ANKRD36: variants seen among roughly 807,000 people sequenced by gnomAD.
The protein encoded by ANKRD36 is ankyrin repeat domain 36.
ANKRD36 carries 179 observed loss-of-function variants against 278.1 expected under a neutral mutation model. The ratio of observed to expected loss-of-function variants is 0.64; its 90% CI spans 0.57 to 0.73. The LOEUF (loss-of-function observed/expected upper bound fraction) is 0.73. ANKRD36 is among the 30% of genes least tolerant of loss of function. The pLI is 0.00. For missense variants in ANKRD36, 1,159 were observed against 1,956.7 expected (o/e 0.59, Z 7.69); for synonymous variants, 320 against 641.1 (o/e 0.50, Z 7.57).
At chr2:97,232,228 A>C (rs1466167409) in intron 67 of ANKRD36, among the ~76,000 whole-genome samples, 1 of 151,306 alleles carries the variant, frequency 6.6e-6, no homozygotes, top group Non-Finnish European at 1.5e-5. Flanking sequence ...ACTCTGACAG[A>C]AAAGACATCT....
chr2:97,191,439 CTG>C (rs2058492273), intron 36 of ANKRD36, among the ~76,000 whole-genome samples: 1 of 151,600 alleles, frequency 6.6e-6, no homozygotes, highest in Non-Finnish European at 1.5e-5. Context: ...ATAAGGGGCT[CTG>C]GGGAACAGCA....
chr2:97,140,095 A>G (rs1237999525), intron 6 of ANKRD36, among the ~76,000 whole-genome samples: 1 of 151,666 alleles, frequency 6.6e-6, no homozygotes, highest in African/African-American at 2.4e-5. Flanking sequence ...ACAAATGAAA[A>G]TATTTCTGTT....
At chr2:97,229,252 T>C (rs1288696852) in intron 67 of ANKRD36, among the ~76,000 whole-genome samples, 1 of 151,722 alleles carries the variant, frequency 6.6e-6, no homozygotes, top group East Asian at 2.0e-4. Context: ...AAGTCTCCCA[T>C]TATTATTGTG....
At chr2:97,216,760 A>C (rs573175259) in intron 62 of ANKRD36, 440 of 398,136 alleles carry the variant, frequency 1.1e-3, no homozygotes, top group African/African-American at 8.5e-3. Flanking sequence ...AGCATGATGA[A>C]TGTCTGTAGT....
chr2:97,144,713 G>T lies in ANKRD36; in HGVS notation c.1003+1G>T. The stretch of plus-strand genomic sequence containing the variant: ...AAAGATGAACAAAAATCTGGGACAG[G>T]TAATTTTGCAATACACATTTAATGC... On this transcript the variant is annotated splice_donor_variant, in intron 10 of 75. Transcript: ENST00000420699. LOFTEE classifies it high-confidence loss of function. 2.6e-6 allele frequency: 4 copies of T among 1,544,058 alleles called. No homozygotes were observed. The highest frequency in any genetic ancestry group is 3.5e-6 in the Non-Finnish European group (4 of 1,146,302).
In ANKRD36 at chr2:97,206,292, C is replaced by T. The variant is rs1336878439; in HGVS notation, c.3163+157C>T. Among the ~76,000 whole-genome samples, 6 of 151,372 alleles carry T rather than the reference C, an allele frequency of 4.0e-5. No homozygotes were observed. The Admixed American group carries it at 4.0e-4, about 10-fold the overall frequency. ...AGTACGTTCTTGGGTGATGCTGATG[C>T]TGCTGGTCTGGAACATGATCTTCGC... On this transcript the variant is annotated intron_variant, in intron 52 of 75. Coordinates refer to ENST00000420699, the MANE Select transcript of ANKRD36 (RefSeq NM_001354587.1).
intron 6 of ANKRD36, among the ~76,000 whole-genome samples, chr2:97,140,192 T>TAC: frequency 6.6e-6 from 1 of 151,936 alleles, no homozygotes; most frequent in East Asian, 1.9e-4. Flanking sequence ...TGCAAAAAAT[T>TAC]ACACCATTCT....
At chr2:97,116,321 C>T (rs895344206) in intron 1 of ANKRD36, among the ~76,000 whole-genome samples, 1 of 151,944 alleles carries the variant, frequency 6.6e-6, no homozygotes, top group Admixed American at 6.6e-5. Context: ...TGTTGCCCAG[C>T]CTGGAGTGCA....
rs1374676431 is a variant in ANKRD36 at position 97,200,320 on chromosome 2, C to G, written c.2756-14C>G. ...TTTACATGTGAGTGATTATGTATCC[C>G]TTTTGCTTTTCAGTGTCTTCTCGGA... On this transcript the variant is annotated splice_polypyrimidine_tract_variant and intron_variant, in intron 44 of 75. Transcript: ENST00000420699. 2 of 1,607,254 alleles carry G rather than the reference C, an allele frequency of 1.2e-6. No individual in the cohort carries two copies. Among genetic ancestry groups the G allele is most frequent in the African/African-American group, 1.3e-5 (1 of 74,648 alleles).
At chr2:97,160,138 A>G (rs1011520999) in intron 17 of ANKRD36, among the ~76,000 whole-genome samples, 4 of 152,248 alleles carry the variant, frequency 2.6e-5, no homozygotes, top group African/African-American at 9.6e-5. Flanking sequence ...ATGAGAAAAA[A>G]TATATTTTTA....
In ANKRD36 at chr2:97,192,857, G is replaced by C; in HGVS notation, c.2348-1G>C. On this transcript the variant is annotated splice_acceptor_variant, in intron 36 of 75. Coordinates refer to ENST00000420699, the MANE Select transcript of ANKRD36 (RefSeq NM_001354587.1). LOFTEE classifies it high-confidence loss of function. ...GATTATGTATCCCTTTTGCTTTTCA[G>C]TGTCTTCTCAGAAACCACCAGCCTT... 4.4e-6 allele frequency: 7 copies of C among 1,603,100 alleles called. No individual in the cohort carries two copies. Among genetic ancestry groups the C allele is most frequent in the Non-Finnish European group, 5.9e-6 (7 of 1,177,182 alleles).
chr2:97,132,610 A>G (rs1360362674), intron 6 of ANKRD36, among the ~76,000 whole-genome samples: 2 of 152,106 alleles, frequency 1.3e-5, no homozygotes, highest in African/African-American at 4.8e-5. Flanking sequence ...CACCTTAAAG[A>G]AAACTAATTT....
At chr2:97,202,291 A>T (rs1177742926) in intron 47 of ANKRD36, 30 bp from the exon 48 acceptor site, 1 of 1,596,974 alleles carries the variant, frequency 6.3e-7, no homozygotes, top group Non-Finnish European at 8.5e-7. Flanking sequence ...AACATACTTT[A>T]TTTATTATTT....
chr2:97,198,424 T>A lies in ANKRD36; in HGVS notation c.2654-39T>A, dbSNP rs1226660202. Reference sequence around the variant, plus strand: ...TGAATGTATGGATAATTTTGTCGTTTTTACATATGAGTGATTATGAATCCC... The same window carrying A: ...TGAATGTATGGATAATTTTGTCGTTATTACATATGAGTGATTATGAATCCC... On this transcript the variant is annotated intron_variant, in intron 42 of 75. Coordinates refer to ENST00000420699, the MANE Select transcript of ANKRD36 (RefSeq NM_001354587.1). 4.5e-6 allele frequency: 7 copies of A among 1,566,876 alleles called. No homozygotes were observed. The Admixed American group carries it at 5.7e-5, about 13-fold the overall frequency.
chr2:97,225,912 G>C (rs1460512299), intron 67 of ANKRD36, among the ~76,000 whole-genome samples: 4 of 151,808 alleles, frequency 2.6e-5, no homozygotes, highest in African/African-American at 9.7e-5. Flanking sequence ...TACTGAGAAT[G>C]ATGATTTCCA....
chr2:97,194,849 C>G lies in ANKRD36; in HGVS notation c.2483C>G (p.Thr828Arg), dbSNP rs562787316. The change falls in exon 40 of 76, where the codon ACA becomes AGA. Residue 828 changes from threonine to arginine, a missense_variant. By Grantham distance (71) the Thr-to-Arg change is moderately conservative. Transcript: ENST00000420699. The part of the protein sequence containing the change: ...SSRKKPALKA[T>R]SDEKDSFSNI... Reference sequence around the variant, plus strand: ...TTTGTTTCAAATTCCACTCAGGCTACAAGTGATGAGAAGGATTCTTTTTCG... The same window carrying G: ...TTTGTTTCAAATTCCACTCAGGCTAGAAGTGATGAGAAGGATTCTTTTTCG... 3.0e-5 allele frequency: 48 copies of G among 1,590,084 alleles called. 1 individual carries two copies. In the South Asian group the frequency reaches 5.5e-4, roughly 18 times the overall value.
At chr2:97,207,340 G>GTC (rs1403072043) in intron 52 of ANKRD36, among the ~76,000 whole-genome samples, 13 of 151,622 alleles carry the variant, frequency 8.6e-5, no homozygotes, top group African/African-American at 3.1e-4. Flanking sequence ...CAACTGAATT[G>GTC]TCATGGTAAT....
At chr2:97,173,165 C>G (rs1466167636) in intron 22 of ANKRD36, among the ~76,000 whole-genome samples, 1 of 151,644 alleles carries the variant, frequency 6.6e-6, no homozygotes, top group Non-Finnish European at 1.5e-5. Flanking sequence ...AATTTCAGAG[C>G]TTGTTTCTCT....
chr2:97,231,047 C>G (rs1289316148), intron 67 of ANKRD36, among the ~76,000 whole-genome samples: 1 of 152,110 alleles, frequency 6.6e-6, no homozygotes, highest in Non-Finnish European at 1.5e-5. Flanking sequence ...CAGTCTGCCC[C>G]TACCTGGGGG....
Sources: allele counts gnomAD v4.1 joint callset (sites outside exome capture counted in the v4.1 genomes callset), GRCh38; gene constraint gnomAD v4.1.1; transcripts MANE v1.5; gene names NCBI Gene and HGNC (gene_info 2026-07-23, HGNC 2026-07-21).